The following HSPA12A variants were observed in gnomAD, a reference collection of about 807,000 sequenced individuals.
HSPA12A encodes the protein heat shock 70 kDa protein 12A.
HSPA12A carries 28 observed loss-of-function variants against 69.2 expected under a neutral mutation model. The observed-to-expected ratio is 0.40, with a 90% confidence interval of 0.30 to 0.55. The LOEUF (loss-of-function observed/expected upper bound fraction) is 0.55. HSPA12A is among the 20% of genes least tolerant of loss of function. HSPA12A has a pLI of 0.38. For synonymous variants in HSPA12A, 345 were observed against 370.5 expected (o/e 0.93, Z 0.79); for missense variants, 686 against 900.7 (o/e 0.76, Z 3.05).
intron 1 of HSPA12A, among the ~76,000 whole-genome samples, chr10:116,715,278 A>C (rs1325819835): frequency 6.6e-6 from 1 of 152,246 alleles, no homozygotes; most frequent in Admixed American, 6.5e-5. Flanking sequence ...CAACTGCGAC[A>C]GCTTAGAAGA....
chr10:116,806,859 G>A (rs1845079593), intron 2 of HSPA12A, among the ~76,000 whole-genome samples: 2 of 152,238 alleles, frequency 1.3e-5, no homozygotes, highest in African/African-American at 4.8e-5. Context: ...TGAATGTTAT[G>A]TGGGAAAAGA....
intron 5 of HSPA12A, chr10:116,698,090 T>C (rs1849968668): frequency 6.6e-6 from 1 of 152,372 alleles, no homozygotes; most frequent in African/African-American, 2.4e-5. Flanking sequence ...GTAAGATAGA[T>C]CACATTTTGT....
rs541300417 is a variant in HSPA12A at position 116,811,017 on chromosome 10, G to A, written c.91+23918C>T. 2.0e-5 allele frequency among the ~76,000 whole-genome samples: 3 copies of A among 152,234 alleles called. No homozygotes were observed. In the East Asian group the frequency reaches 5.8e-4, roughly 29 times the overall value. On this transcript the variant is annotated intron_variant, in intron 2 of 12. Coordinates refer to the HSPA12A transcript ENST00000635765. ...CACCGGCTGTAGTTAGTGCCACAAG[G>A]GAAACAAACCATAGGGATAAGATTA...
chr10:116,772,053 C>T (rs549952049), intron 2 of HSPA12A, among the ~76,000 whole-genome samples: 205 of 152,328 alleles, frequency 1.3e-3, no homozygotes, highest in African/African-American at 4.8e-3. Context: ...CAGGACGAGG[C>T]TGGATGCCAG....
chr10:116,833,941 CTGGGCTGGGGAT>C (rs1845665639), intron 2 of HSPA12A, among the ~76,000 whole-genome samples: 1 of 152,170 alleles, frequency 6.6e-6, no homozygotes, highest in Non-Finnish European at 1.5e-5. Context: ...CTTGAAATGT[CTGGGCTGGGGAT>C]TGCTAATGGC....
At chr10:116,850,036 C>G, upstream of HSPA12A, 9 of 503,488 alleles carry the variant, frequency 1.8e-5, no homozygotes, top group South Asian at 2.0e-5. Flanking sequence ...GAGGCCTCTC[C>G]GTTTGTGGGC....
At position 116,671,994 on chromosome 10, in the gene HSPA12A, A is replaced by T. The variant is rs553122515; in HGVS notation, c.*2787T>A. 5 of 152,392 alleles carry T rather than the reference A, an allele frequency of 3.3e-5. No homozygotes were observed. The South Asian group carries it at 6.2e-4, about 19-fold the overall frequency. The allele number at this position is 152,392 out of a possible 1,614,324, so 9.4% of individuals were successfully genotyped here. On this transcript the variant is annotated 3_prime_UTR_variant, in exon 12 of 12. Coordinates refer to ENST00000369209, the MANE Select transcript of HSPA12A (RefSeq NM_025015.3). ...AGCTCTGTGGCCAGAAGATAAAATT[A>T]TCATCCTCTCCATCACCTATCTGCC...
intron 2 of HSPA12A, among the ~76,000 whole-genome samples, chr10:116,758,100 C>T (rs1419131077): frequency 1.3e-5 from 2 of 152,150 alleles, no homozygotes; most frequent in Admixed American, 6.5e-5. Flanking sequence ...TTAAAATCCA[C>T]TCAACAGAAG....
At position 116,679,592 on chromosome 10, in the gene HSPA12A, G is replaced by A. The variant is rs1849344079; in HGVS notation, c.1197C>T (p.Asn399=). ...AGAAGGGCAGGGTGATGTTCAGCGG[G>A]TTAGTTCTGTCTGGGGCAGCCGCCC... The part of the protein sequence containing the change: ...RKRAAAPDRT[N]PLNITLPFSF... Residue 399 remains asparagine (N), a synonymous_variant, in exon 10 of 12, where the codon AAC becomes AAT. Transcript: ENST00000369209. 6.2e-7 allele frequency: 1 copy of A among 1,614,278 alleles called. No individual in the cohort carries two copies.
intron 2 of HSPA12A, among the ~76,000 whole-genome samples, chr10:116,775,550 T>A (rs2133125795): frequency 6.6e-6 from 1 of 152,282 alleles, no homozygotes; most frequent in East Asian, 1.9e-4. Flanking sequence ...GACAGCCTCG[T>A]GATACTGACT....
chr10:116,718,741 A>AT (rs1161667505), intron 1 of HSPA12A, among the ~76,000 whole-genome samples: 2 of 151,998 alleles, frequency 1.3e-5, no homozygotes, highest in Non-Finnish European at 2.9e-5. Flanking sequence ...TCTAAAGCAG[A>AT]TTTTTTCTAA....
intron 1 of HSPA12A, among the ~76,000 whole-genome samples, chr10:116,848,263 AC>A (rs533786876): frequency 2.0e-5 from 3 of 152,358 alleles, no homozygotes; most frequent in Admixed American, 1.3e-4. Context: ...GGTCCATTAC[AC>A]ACAGACAGTG....
intron 2 of HSPA12A, among the ~76,000 whole-genome samples, chr10:116,823,549 A>T (rs1319516047): frequency 6.6e-6 from 1 of 152,256 alleles, no homozygotes; most frequent in Non-Finnish European, 1.5e-5. Flanking sequence ...ATAGGGCTAG[A>T]CAGACAGATC....
chr10:116,769,758 G>A (rs187524389), intron 2 of HSPA12A, among the ~76,000 whole-genome samples: 76 of 152,306 alleles, frequency 5.0e-4, no homozygotes, highest in South Asian at 1.0e-3. Context: ...ACGAAGCAGC[G>A]CTCCAAAGAC....
At chr10:116,832,173 T>G (rs942907444) in intron 2 of HSPA12A, 3 of 149,330 alleles carry the variant, frequency 2.0e-5, no homozygotes, top group Non-Finnish European at 4.4e-5. Context: ...ATTTTGTTTT[T>G]TTGGTTTTTT....
At chr10:116,707,151 GCGCACA>G (rs71013612) in intron 2 of HSPA12A, 43 bp downstream of exon 2, 237,373 of 1,004,922 alleles carry the variant, frequency 0.24, 17,415 homozygotes, top group Middle Eastern at 0.29. Flanking sequence ...GCACCCATGC[GCGCACA>G]CACACACACA....
chr10:116,731,251 C>G (rs1251405230), intron 1 of HSPA12A, among the ~76,000 whole-genome samples: 1 of 152,232 alleles, frequency 6.6e-6, no homozygotes, highest in Non-Finnish European at 1.5e-5. Context: ...TAAACCTTCT[C>G]TGGCCAGAGG....
At chr10:116,689,672 T>C (rs1291656128) in intron 6 of HSPA12A, among the ~76,000 whole-genome samples, 15 of 151,908 alleles carry the variant, frequency 9.9e-5, no homozygotes, top group African/African-American at 3.4e-4. Context: ...GCTTATGCAG[T>C]TATAGAGGCT....
At chr10:116,730,374 G>T (rs1851112281) in intron 1 of HSPA12A, among the ~76,000 whole-genome samples, 1 of 152,192 alleles carries the variant, frequency 6.6e-6, no homozygotes, top group Non-Finnish European at 1.5e-5. Flanking sequence ...CCAGGTATGG[G>T]AGCCAGGACC....
Sources: gnomAD v4.1 joint callset for allele counts (sites outside exome capture counted in the v4.1 genomes callset) on GRCh38, gnomAD v4.1.1 for gene constraint, MANE v1.5 for transcripts, NCBI Gene and HGNC (gene_info 2026-07-23, HGNC 2026-07-21) for gene names.